SVEP1: variants seen among roughly 807,000 people sequenced by gnomAD.
The protein encoded by SVEP1 is sushi, von Willebrand factor type A, EGF and pentraxin domain-containing protein 1.
In SVEP1, 164 loss-of-function variants were observed where a neutral mutation model predicts 367.3. The ratio of observed to expected loss-of-function variants is 0.45; its 90% CI spans 0.39 to 0.51. The LOEUF (loss-of-function observed/expected upper bound fraction) is 0.51. Among genes scored for constraint, SVEP1 ranks in the 20% least tolerant of loss-of-function variants. The pLI is 0.00. For synonymous variants in SVEP1, 1,666 were observed against 1,611.6 expected (o/e 1.03, Z -0.81); for missense variants, 4,117 against 4,425.3 (o/e 0.93, Z 1.98).
chr9:110,442,885 A>G (rs1014891336), intron 27 of SVEP1: 3 of 152,220 alleles, frequency 2.0e-5, no homozygotes, highest in Admixed American at 1.3e-4. Context: ...CTAGTTTCAT[A>G]CAACTTACTT....
intron 1 of SVEP1, among the ~76,000 whole-genome samples, chr9:110,559,767 C>T (rs1311794950): frequency 6.6e-6 from 1 of 151,818 alleles, no homozygotes; most frequent in Non-Finnish European, 1.5e-5. Flanking sequence ...ATGTGTATCC[C>T]AGAATAATTT....
chr9:110,393,255 C>T (rs1279295704), intron 40 of SVEP1, among the ~76,000 whole-genome samples: 1 of 152,120 alleles, frequency 6.6e-6, no homozygotes, highest in Non-Finnish European at 1.5e-5. Context: ...AATGTAATCA[C>T]CATTATATTA....
intron 27 of SVEP1, among the ~76,000 whole-genome samples, chr9:110,439,859 A>T (rs1414602697): frequency 6.6e-6 from 1 of 152,190 alleles, no homozygotes; most frequent in East Asian, 1.9e-4. Context: ...CTATTTCCTT[A>T]GGTGGTTACT....
At chr9:110,481,992 C>T (rs74505091) in intron 11 of SVEP1, among the ~76,000 whole-genome samples, 4,289 of 152,192 alleles carry the variant, frequency 0.028, 191 homozygotes, top group African/African-American at 0.098. Context: ...GGATTACAGG[C>T]GTGAGTCACC....
At chr9:110,500,127 A>G (rs1037987227) in intron 6 of SVEP1, among the ~76,000 whole-genome samples, 2 of 152,220 alleles carry the variant, frequency 1.3e-5, no homozygotes, top group Non-Finnish European at 2.9e-5. Context: ...ACACTCCACT[A>G]TCATACTTCC....
In SVEP1 at chr9:110,408,067, G is replaced by A; in HGVS notation, c.7533C>T (p.Tyr2511=). ...CGGTCTGTCCATAGTGTAGGTCCGTGTAAGAGAATTTGCCATTCAAAATCT... is the reference window on the plus strand; with the variant it reads ...CGGTCTGTCCATAGTGTAGGTCCGTATAAGAGAATTTGCCATTCAAAATCT... ...PKEILNGKFS[Y]TDLHYGQTVT... Residue 2511 remains tyrosine, a synonymous_variant, in exon 38 of 48, where the codon TAC becomes TAT. Transcript: ENST00000374469. The A allele has an allele frequency of 6.2e-7, 1 of 1,613,922 alleles. No homozygotes were observed. The highest frequency in any genetic ancestry group is 8.5e-7 in the Non-Finnish European group (1 of 1,179,888).
intron 12 of SVEP1, 67 bp downstream of exon 12, chr9:110,481,175 T>A: frequency 8.1e-7 from 1 of 1,241,772 alleles, no homozygotes; most frequent in Non-Finnish European, 1.0e-6. Flanking sequence ...AATTTTCCTC[T>A]TTAACACTTA....
At chr9:110,449,455 T>C (rs1162232705) in intron 24 of SVEP1, among the ~76,000 whole-genome samples, 1 of 152,140 alleles carries the variant, frequency 6.6e-6, no homozygotes, top group Non-Finnish European at 1.5e-5. Flanking sequence ...CTAAAGCACA[T>C]GTGGCTCATC....
At chr9:110,447,589 C>G (rs1440312813) in intron 24 of SVEP1, among the ~76,000 whole-genome samples, 1 of 152,152 alleles carries the variant, frequency 6.6e-6, no homozygotes, top group South Asian at 2.1e-4. Context: ...CCATTTTAAA[C>G]TCATCAGAAT....
chr9:110,460,497 A>G (rs1157198683), intron 18 of SVEP1, among the ~76,000 whole-genome samples: 1 of 152,200 alleles, frequency 6.6e-6, no homozygotes, highest in Non-Finnish European at 1.5e-5. Context: ...TCATGCCTGT[A>G]ACCCCAGCAC....
At chr9:110,473,874 G>C (rs375235119) in intron 14 of SVEP1, among the ~76,000 whole-genome samples, 32 of 152,270 alleles carry the variant, frequency 2.1e-4, no homozygotes, top group African/African-American at 7.7e-4. Flanking sequence ...GATACATATT[G>C]TCAAATGCCC....
chr9:110,576,227 T>TCTCA (rs1554724566), intron 1 of SVEP1, among the ~76,000 whole-genome samples: 3 of 149,912 alleles, frequency 2.0e-5, no homozygotes, highest in Admixed American at 6.7e-5. Flanking sequence ...ATAGGTAGTC[T>TCTCA]CACACACACA....
intron 28 of SVEP1, 94 bp from the exon 29 acceptor site, chr9:110,435,458 A>AT (rs1828418934): frequency 1.4e-6 from 2 of 1,446,266 alleles, no homozygotes; most frequent in Non-Finnish European, 1.9e-6. Context: ...ACATTCACAG[A>AT]TTTTTTAGAG....
At chr9:110,575,877 A>T (rs749950938) in intron 1 of SVEP1, among the ~76,000 whole-genome samples, 1 of 152,276 alleles carries the variant, frequency 6.6e-6, no homozygotes, top group African/African-American at 2.4e-5. Flanking sequence ...GGACAATAAC[A>T]TGTTTTTAAA....
intron 14 of SVEP1, among the ~76,000 whole-genome samples, chr9:110,475,357 G>C (rs1829082751): frequency 6.6e-6 from 1 of 152,126 alleles, no homozygotes; most frequent in African/African-American, 2.4e-5. Flanking sequence ...CACATGAGGT[G>C]AATACTCTTA....
intron 41 of SVEP1, among the ~76,000 whole-genome samples, chr9:110,387,964 A>C (rs1827552307): frequency 6.6e-6 from 1 of 151,570 alleles, no homozygotes; most frequent in African/African-American, 2.4e-5. Context: ...CTGAAATTTA[A>C]ATATAACTGC....
intron 36 of SVEP1, among the ~76,000 whole-genome samples, chr9:110,414,125 G>C (rs1291531848): frequency 6.6e-6 from 1 of 151,856 alleles, no homozygotes; most frequent in Non-Finnish European, 1.5e-5. Context: ...GGGTGTCCTG[G>C]GCAAACTGTA....
intron 3 of SVEP1, among the ~76,000 whole-genome samples, chr9:110,537,938 A>T (rs1830098710): frequency 6.6e-6 from 1 of 151,716 alleles, no homozygotes; most frequent in South Asian, 2.1e-4. Flanking sequence ...TATCATTTTT[A>T]TTGGAGAGAG....
chr9:110,519,709 A>G (rs1829853877), intron 3 of SVEP1, among the ~76,000 whole-genome samples: 2 of 152,284 alleles, frequency 1.3e-5, no homozygotes, highest in South Asian at 4.1e-4. Context: ...ACAAGCCCTG[A>G]TGGAGAGTGG....
Sources: gnomAD v4.1 joint callset for allele counts (sites outside exome capture counted in the v4.1 genomes callset) on GRCh38, gnomAD v4.1.1 for gene constraint, MANE v1.5 for transcripts, NCBI Gene and HGNC (gene_info 2026-07-23, HGNC 2026-07-21) for gene names.